Variants in TCHP observed in about 807,000 individuals in gnomAD.
The protein encoded by TCHP is trichoplein keratin filament-binding protein.
Under a neutral mutation model 88.7 loss-of-function variants are expected in TCHP, and 81 were observed. The ratio of observed to expected loss-of-function variants is 0.91; its 90% CI spans 0.76 to 1.10. TCHP has a LOEUF of 1.10. TCHP is among the 50% of genes least tolerant of loss of function. The probability of loss-of-function intolerance (pLI) is 0.00; values close to 1 mark genes in which losing one functional copy is unlikely to be tolerated. For missense variants in TCHP, 641 were observed against 632.1 expected (o/e 1.01, Z -0.15); for synonymous variants, 232 against 232.5 (o/e 1.00, Z 0.02).
Position 109,903,247 on chromosome 12 carries a change from G to C in TCHP, c.188+33G>C. On this transcript the variant is annotated intron_variant, in intron 2 of 12. Transcript: ENST00000405876. The surrounding 1 kb of genome is among the most constrained non-coding windows in gnomAD (Gnocchi z 4.6). ...TGCGGTAACTGCCGATTGGATGGAA[G>C]TGGGGACCACTTGCTGGTCAGGGGA... is the stretch of plus-strand genomic sequence containing the variant. The C allele has an allele frequency of 6.3e-7, 1 of 1,583,202 alleles. No homozygotes were observed. The highest frequency in any genetic ancestry group is 1.1e-5 in the South Asian group (1 of 87,772).
At chr12:109,886,279 A>C in the TCHP span, among the ~76,000 whole-genome samples, 1 of 152,134 alleles carries the variant, frequency 6.6e-6, no homozygotes, top group African/African-American at 2.4e-5. Flanking sequence ...CTGGGATTAC[A>C]GTCGTCTGCC....
At chr12:109,885,539 G>C in the TCHP span, among the ~76,000 whole-genome samples, 1 of 143,978 alleles carries the variant, frequency 6.9e-6, no homozygotes. Context: ...CTGGAGTGCA[G>C]TGGCACAATC....
intron 8 of TCHP, among the ~76,000 whole-genome samples, chr12:109,909,537 C>G (rs372500636): frequency 6.6e-6 from 1 of 152,316 alleles, no homozygotes; most frequent in African/African-American, 2.4e-5. Flanking sequence ...TTAAAAAGAT[C>G]GGCCAGGTGC....
In TCHP at chr12:109,905,352, C is replaced by T. The variant is rs16940666; in HGVS notation, c.456+559C>T. 3.4e-3 allele frequency among the ~76,000 whole-genome samples: 513 copies of T among 152,294 alleles called. 25 individuals are homozygous for T. The East Asian group carries it at 0.097, about 29-fold the overall frequency. On this transcript the variant is annotated intron_variant, in intron 4 of 12. Coordinates refer to ENST00000405876, the MANE Select transcript of TCHP (RefSeq NM_001143852.2). The surrounding 1 kb of genome is among the most constrained non-coding windows in gnomAD (Gnocchi z 4.0). Reference sequence around the variant, plus strand: ...AGTGAGGGAGAACCCCAAGAAATGACGCTGGCGAGGCAGAGGGTGCCAGAC... The same window carrying T: ...AGTGAGGGAGAACCCCAAGAAATGATGCTGGCGAGGCAGAGGGTGCCAGAC...
chr12:109,882,105 C>G, the TCHP span, among the ~76,000 whole-genome samples: 62 of 152,188 alleles, frequency 4.1e-4, no homozygotes, highest in African/African-American at 1.4e-3. Context: ...AGTGTAGTGA[C>G]GGAGGATGAC....
At chr12:109,895,456 C>CGATCCTCCT (rs1869536174), upstream of TCHP, among the ~76,000 whole-genome samples, 1 of 151,816 alleles carries the variant, frequency 6.6e-6, no homozygotes, top group African/African-American at 2.4e-5. Context: ...TGGGTTCAAG[C>CGATCCTCCT]GATCCTCCTC....
the TCHP span, among the ~76,000 whole-genome samples, chr12:109,892,320 GA>G: frequency 2.4e-4 from 37 of 152,334 alleles, no homozygotes; most frequent in Middle Eastern, 3.4e-3. Flanking sequence ...CTGGGATCCT[GA>G]AGTCTGAGTA....
rs1045413275 is a variant in TCHP, at chr12:109,903,727, A to AT, written c.189-207dup. Among the ~76,000 whole-genome samples, 1 of 152,180 alleles carries AT rather than the reference A, an allele frequency of 6.6e-6. No homozygotes were observed. The highest frequency in any genetic ancestry group is 2.4e-5 in the African/African-American group (1 of 41,450). On this transcript the variant is annotated intron_variant, in intron 2 of 12. Transcript: ENST00000405876. The surrounding 1 kb of genome is among the most constrained non-coding windows in gnomAD (Gnocchi z 4.6). ...TTATGTGATGGATAATATATACATT[A>AT]TTTATACATTTATACATTTTCTTTT...
chr12:109,895,248 C>T, the TCHP span, among the ~76,000 whole-genome samples: 2 of 144,610 alleles, frequency 1.4e-5, no homozygotes, highest in East Asian at 2.0e-4. Context: ...CTCATTCTCT[C>T]ACCCTGGCTG....
intron 8 of TCHP, among the ~76,000 whole-genome samples, chr12:109,910,134 G>A (rs1304780847): frequency 1.3e-5 from 2 of 152,112 alleles, no homozygotes; most frequent in Non-Finnish European, 2.9e-5. Flanking sequence ...GTGAGACTCT[G>A]TCTCAAAAAA....
At position 109,903,347 on chromosome 12, in the gene TCHP, C is replaced by G; in HGVS notation, c.188+133C>G. 1 of 794,624 alleles carries G rather than the reference C, an allele frequency of 1.3e-6. No individual in the cohort carries two copies. Among genetic ancestry groups the G allele is most frequent in the East Asian group, 2.7e-5 (1 of 36,724 alleles). 49.2% of individuals were successfully genotyped at this position (794,624 alleles called of 1,614,324 possible). A position where few individuals can be genotyped will look rare whatever the true frequency, so the allele number is the denominator to read the frequency against. On this transcript the variant is annotated intron_variant, in intron 2 of 12. Coordinates refer to ENST00000405876, the MANE Select transcript of TCHP (RefSeq NM_001143852.2). This position sits in a 1 kb window ranked among gnomAD's most constrained non-coding sequence, Gnocchi z 4.6. ...TACCTGCATGGTGATGTTTTTCCAG[C>G]TGGAAATGGAAAAAAAGATCATCAG...
At chr12:109,907,145 C>T (rs900858559) in intron 5 of TCHP, among the ~76,000 whole-genome samples, 1 of 152,242 alleles carries the variant, frequency 6.6e-6, no homozygotes, top group Non-Finnish European at 1.5e-5. Flanking sequence ...ACCTCGGCCT[C>T]CCAAAGTGCT....
chr12:109,915,464 A>C lies in TCHP; in HGVS notation c.1382A>C (p.Glu461Ala), dbSNP rs1228909829. The C allele has an allele frequency of 1.1e-5, 17 of 1,613,674 alleles. No individual in the cohort carries two copies. The African/African-American group carries it at 1.2e-4, about 11-fold the overall frequency. The change falls in exon 12 of 13, where the codon GAG (glutamate) becomes GCG (alanine). Residue 461 changes from glutamate to alanine, a missense_variant. Glu to Ala is a moderately radical substitution (Grantham distance 107). Transcript: ENST00000405876. ...CAGCAGGAGGAGGAGGAAGAGGAGG[A>C]GGCCCGGCGGGTCGAGCAGCTCTCA... Reference protein sequence around the residue: ...ADQQEEEEEEEARRVEQLSDA... With the variant: ...ADQQEEEEEEAARRVEQLSDA...
intron 12 of TCHP, 67 bp downstream of exon 12, chr12:109,915,613 G>T: frequency 6.6e-7 from 1 of 1,516,698 alleles, no homozygotes; most frequent in South Asian, 1.3e-5. Context: ...CTGCTCCCCT[G>T]GGCCTGCTCA....
At chr12:109,880,962 C>T in the TCHP span, among the ~76,000 whole-genome samples, 719 of 152,292 alleles carry the variant, frequency 4.7e-3, 2 homozygotes, top group Admixed American at 7.8e-3. The surrounding 1 kb of genome is among the most constrained non-coding windows in gnomAD (Gnocchi z 5.1). Flanking sequence ...CTACAACCGA[C>T]GAGGACGCTC....
In TCHP at chr12:109,906,944, A is replaced by T. The variant is rs189684856; in HGVS notation, c.525+304A>T. ...TGCTCTGTCACCCAGGCTGGTGTGCAGTGGCGCGACTCACAGCTCACTGCA... is the reference window on the plus strand; with the variant it reads ...TGCTCTGTCACCCAGGCTGGTGTGCTGTGGCGCGACTCACAGCTCACTGCA... On this transcript the variant is annotated intron_variant, in intron 5 of 12. Coordinates refer to ENST00000405876, the MANE Select transcript of TCHP (RefSeq NM_001143852.2). 1.6e-4 allele frequency among the ~76,000 whole-genome samples: 24 copies of T among 152,256 alleles called. No individual in the cohort carries two copies. The East Asian group carries it at 3.3e-3, about 21-fold the overall frequency.
upstream of TCHP, among the ~76,000 whole-genome samples, chr12:109,899,770 G>C (rs1444982436): frequency 6.6e-6 from 1 of 152,134 alleles, no homozygotes; most frequent in Non-Finnish European, 1.5e-5. Flanking sequence ...GTTTGGTTTG[G>C]GCATCTGGAT....
intron 9 of TCHP, among the ~76,000 whole-genome samples, chr12:109,911,450 CA>C (rs1451715140): frequency 6.6e-6 from 1 of 151,610 alleles, no homozygotes; most frequent in Non-Finnish European, 1.5e-5. Flanking sequence ...CAGGCTCTAC[CA>C]AAAATACACA....
chr12:109,906,422 G>A (rs1480425822), intron 4 of TCHP, 150 bp from the exon 5 acceptor site: 8 of 620,960 alleles, frequency 1.3e-5, no homozygotes, highest in Admixed American at 2.8e-5. Flanking sequence ...GTCACCCCAC[G>A]CTCTCTACTA....
Sources: gnomAD v4.1 joint callset for allele counts (sites outside exome capture counted in the v4.1 genomes callset) on GRCh38, gnomAD v4.1.1 for gene constraint, Gnocchi (gnomAD v3.1) non-coding constraint, MANE v1.5 for transcripts, NCBI Gene and HGNC (gene_info 2026-07-23, HGNC 2026-07-21) for gene names.